The following KCNIP4 variants were observed in gnomAD, a reference collection of about 807,000 sequenced individuals.
The protein encoded by KCNIP4 is Kv channel-interacting protein 4.
In KCNIP4, 12 loss-of-function variants were observed where a neutral mutation model predicts 34.0. The observed-to-expected ratio is 0.35, with a 90% CI of 0.23 to 0.57. The LOEUF (loss-of-function observed/expected upper bound fraction) is 0.57. Ranked by LOEUF, KCNIP4 falls within the 20% of genes least tolerant of loss-of-function variation. KCNIP4 has a pLI of 0.83. For synonymous variants in KCNIP4, 124 were observed against 102.2 expected, an observed-to-expected ratio of 1.21 and a Z score of -1.29; for missense variants, 238 against 311.7, an observed-to-expected ratio of 0.76 and a Z score of 1.78.
intron 1 of KCNIP4, among the ~76,000 whole-genome samples, chr4:21,776,304 C>T (rs1036871800): frequency 1.3e-5 from 2 of 152,082 alleles, no homozygotes; most frequent in African/African-American, 4.8e-5. Flanking sequence ...ACCTTGGTTG[C>T]TGGTGAAGAA....
chr4:21,442,433 A>G (rs1260613705), intron 1 of KCNIP4, among the ~76,000 whole-genome samples: 4 of 152,146 alleles, frequency 2.6e-5, no homozygotes, highest in East Asian at 1.9e-4. Flanking sequence ...TGTCCAATTC[A>G]TCTCCTCATA....
intron 1 of KCNIP4, among the ~76,000 whole-genome samples, chr4:21,560,240 T>A (rs752483122): frequency 2.0e-5 from 3 of 152,076 alleles, no homozygotes; most frequent in Non-Finnish European, 4.4e-5. Context: ...TCATCTCCCA[T>A]AGGGCCATTC....
chr4:21,786,786 T>A (rs181774098), intron 1 of KCNIP4, among the ~76,000 whole-genome samples: 1 of 152,064 alleles, frequency 6.6e-6, no homozygotes, highest in African/African-American at 2.4e-5. Context: ...CAGGATGGTC[T>A]CCATCTCCTG....
chr4:21,496,767 ATTCTCACAGGAGTGTGAACCC>A (rs1322015583), intron 1 of KCNIP4, among the ~76,000 whole-genome samples: 2 of 152,096 alleles, frequency 1.3e-5, no homozygotes, highest in Non-Finnish European at 2.9e-5. Context: ...GTGGCATTAG[ATTCTCACAGGAGTGTGAACCC>A]TGTTGTGAGC....
chr4:21,127,730 G>A (rs999899149), intron 1 of KCNIP4, among the ~76,000 whole-genome samples: 8 of 152,180 alleles, frequency 5.3e-5, no homozygotes, highest in East Asian at 1.9e-4. Context: ...CTAGTAAATC[G>A]TGATTTTGAA....
chr4:20,902,013 T>C lies in KCNIP4; in HGVS notation c.62-19304A>G, dbSNP rs1327024661. ...AGCTTTGATCTTTGGAATTCTGCGG[T>C]GGTACAAGGTCATGATGAGCTTCCA... is the stretch of plus-strand genomic sequence containing the variant. On this transcript the variant is annotated intron_variant, in intron 1 of 8. Transcript: ENST00000382152. 2.0e-5 allele frequency among the ~76,000 whole-genome samples: 3 copies of C among 152,188 alleles called. No homozygotes were observed. The East Asian group carries it at 5.8e-4, about 29-fold the overall frequency.
At chr4:21,652,165 T>G (rs1398004852) in intron 1 of KCNIP4, among the ~76,000 whole-genome samples, 2 of 152,184 alleles carry the variant, frequency 1.3e-5, no homozygotes, top group African/African-American at 2.4e-5. Flanking sequence ...TGATCTACCT[T>G]TTAGTGGACA....
intron 1 of KCNIP4, chr4:21,316,530 A>C (rs560249198): frequency 6.6e-6 from 1 of 152,344 alleles, no homozygotes; most frequent in South Asian, 2.1e-4. Context: ...AGAAAACTTT[A>C]ATCATTAACA....
chr4:21,123,114 T>C (rs1049699332), intron 1 of KCNIP4, among the ~76,000 whole-genome samples: 1 of 151,936 alleles, frequency 6.6e-6, no homozygotes, highest in African/African-American at 2.4e-5. Flanking sequence ...CTTGGGAGGC[T>C]GAGGCAGGAG....
chr4:21,524,382 A>T (rs1021820356), intron 1 of KCNIP4, among the ~76,000 whole-genome samples: 2 of 152,126 alleles, frequency 1.3e-5, no homozygotes, highest in African/African-American at 4.8e-5. Context: ...TGTGTCCCCT[A>T]GACATTCCCA....
chr4:20,871,214 C>T (rs866195340), intron 2 of KCNIP4, among the ~76,000 whole-genome samples: 2 of 152,074 alleles, frequency 1.3e-5, no homozygotes, highest in South Asian at 4.1e-4. Context: ...CAACCAAATT[C>T]TCTCTCCCAT....
At chr4:21,262,170 T>G (rs540861327) in intron 1 of KCNIP4, among the ~76,000 whole-genome samples, 1 of 152,248 alleles carries the variant, frequency 6.6e-6, no homozygotes, top group South Asian at 2.1e-4. Flanking sequence ...AAAACCTTTT[T>G]CCCCTTTCTA....
intron 1 of KCNIP4, among the ~76,000 whole-genome samples, chr4:21,720,741 T>C (rs940232247): frequency 2.8e-5 from 4 of 142,970 alleles, no homozygotes; most frequent in Non-Finnish European, 4.5e-5. Flanking sequence ...CCAAGTGTTC[T>C]CATTGTTCAA....
chr4:20,806,124 C>G (rs1179871919), intron 3 of KCNIP4, among the ~76,000 whole-genome samples: 1 of 151,976 alleles, frequency 6.6e-6, no homozygotes, highest in African/African-American at 2.4e-5. Context: ...ATTTTAATTA[C>G]TTTTTCCGTC....
chr4:21,935,981 C>T (rs201257795), intron 1 of KCNIP4, among the ~76,000 whole-genome samples: 3 of 121,836 alleles, frequency 2.5e-5, no homozygotes, highest in South Asian at 6.1e-4. Flanking sequence ...TATATATATG[C>T]GCACATGTAT....
intron 1 of KCNIP4, among the ~76,000 whole-genome samples, chr4:21,898,151 A>C (rs1727501455): frequency 6.6e-6 from 1 of 152,166 alleles, no homozygotes; most frequent in Non-Finnish European, 1.5e-5. Flanking sequence ...AAGCCTTGCC[A>C]CCATGAGCTA....
chr4:21,279,005 G>C (rs894475599), intron 1 of KCNIP4, among the ~76,000 whole-genome samples: 1 of 152,102 alleles, frequency 6.6e-6, no homozygotes, highest in African/African-American at 2.4e-5. Flanking sequence ...GAGATAAAGG[G>C]GTGTTGTTAG....
chr4:21,563,009 T>C (rs1477454390), intron 1 of KCNIP4, among the ~76,000 whole-genome samples: 2 of 152,082 alleles, frequency 1.3e-5, no homozygotes, highest in Non-Finnish European at 2.9e-5. Context: ...TTCTCATTAA[T>C]GTCAGTTAGG....
At chr4:21,844,252 G>C (rs1391165097) in intron 1 of KCNIP4, 2 of 152,102 alleles carry the variant, frequency 1.3e-5, no homozygotes, top group Admixed American at 6.6e-5. Context: ...GTGTTTGAGA[G>C]ATTAAAGATG....
Sources: gnomAD v4.1 joint callset for allele counts (sites outside exome capture counted in the v4.1 genomes callset) on GRCh38, gnomAD v4.1.1 for gene constraint, MANE v1.5 for transcripts, NCBI Gene and HGNC (gene_info 2026-07-23, HGNC 2026-07-21) for gene names.